The following ACMSD variants were observed in gnomAD, a reference collection of about 807,000 sequenced individuals.
ACMSD encodes 2-amino-3-carboxymuconate-6-semialdehyde decarboxylase.
A neutral mutation model predicts 45.9 loss-of-function variants in ACMSD; 37 were observed. The ratio of observed to expected loss-of-function variants is 0.81; its 90% confidence interval spans 0.62 to 1.06. The LOEUF is 1.06. Ranked by LOEUF, ACMSD falls within the 50% of genes least tolerant of loss-of-function variation. The probability of loss-of-function intolerance (pLI) is 0.00; values close to 1 mark genes in which losing one functional copy is unlikely to be tolerated. For synonymous variants in ACMSD, 138 were observed against 148.8 expected (o/e 0.93, Z 0.53); for missense variants, 434 against 420.9 (o/e 1.03, Z -0.27).
intron 2 of ACMSD, among the ~76,000 whole-genome samples, chr2:134,857,159 G>A (rs1372739576): frequency 6.6e-6 from 1 of 152,108 alleles, no homozygotes; most frequent in Non-Finnish European, 1.5e-5. Flanking sequence ...ATTGCCTAAT[G>A]CTGGGAGCAG....
chr2:134,875,176 T>C (rs762719848), intron 8 of ACMSD, among the ~76,000 whole-genome samples: 1 of 152,166 alleles, frequency 6.6e-6, no homozygotes, highest in African/African-American at 2.4e-5. Context: ...CTTTTTTTTA[T>C]TTTTTGTAGA....
intron 8 of ACMSD, among the ~76,000 whole-genome samples, chr2:134,880,253 TAC>T (rs1688962331): frequency 1.3e-5 from 2 of 152,164 alleles, no homozygotes; most frequent in African/African-American, 4.8e-5. Flanking sequence ...CTCTTCTCCT[TAC>T]CACAACTTCA....
chr2:134,898,769 A>G (rs1196554253), intron 9 of ACMSD, among the ~76,000 whole-genome samples: 1 of 152,178 alleles, frequency 6.6e-6, no homozygotes, highest in Non-Finnish European at 1.5e-5. Context: ...CAAATCTACC[A>G]ATCTCAAAAG....
chr2:134,867,725 A>C, intron 6 of ACMSD, 53 bp downstream of exon 6: 1 of 1,453,386 alleles, frequency 6.9e-7, no homozygotes, highest in Non-Finnish European at 9.6e-7. Context: ...GGTTTTTCCA[A>C]TCATCTATGG....
At chr2:134,891,538 A>G (rs1689783108) in intron 8 of ACMSD, among the ~76,000 whole-genome samples, 1 of 152,238 alleles carries the variant, frequency 6.6e-6, no homozygotes, top group Non-Finnish European at 1.5e-5. Flanking sequence ...ACAATGAGAT[A>G]TCATCACATG....
At chr2:134,879,569 T>C (rs1688926302) in intron 8 of ACMSD, among the ~76,000 whole-genome samples, 1 of 152,198 alleles carries the variant, frequency 6.6e-6, no homozygotes, top group Admixed American at 6.5e-5. Flanking sequence ...TCATTCATTT[T>C]CTCTGGGTCA....
At chr2:134,882,575 T>C (rs912184160) in intron 8 of ACMSD, among the ~76,000 whole-genome samples, 61 of 152,270 alleles carry the variant, frequency 4.0e-4, no homozygotes, top group Admixed American at 1.2e-3. Context: ...CTTGGGAATA[T>C]AAAGCTAATT....
intron 1 of ACMSD, among the ~76,000 whole-genome samples, chr2:134,841,730 C>CA (rs1353988153): frequency 6.6e-6 from 1 of 152,200 alleles, no homozygotes; most frequent in Non-Finnish European, 1.5e-5. Flanking sequence ...GCCTTACTGA[C>CA]AACCTACTGT....
chr2:134,866,159 T>G (rs933809237), intron 5 of ACMSD, among the ~76,000 whole-genome samples: 4 of 152,126 alleles, frequency 2.6e-5, no homozygotes, highest in African/African-American at 9.7e-5. Flanking sequence ...ATCAAAAATC[T>G]ACCTATTGGG....
intron 8 of ACMSD, among the ~76,000 whole-genome samples, chr2:134,883,806 T>G (rs944648103): frequency 6.6e-6 from 1 of 152,146 alleles, no homozygotes; most frequent in African/African-American, 2.4e-5. Context: ...GCCAAAAAAG[T>G]ATTTTAACCC....
intron 4 of ACMSD, chr2:134,862,942 C>G (rs1687915106): frequency 1.0e-6 from 1 of 984,374 alleles, no homozygotes; most frequent in Non-Finnish European, 1.2e-6. Context: ...GAGAGGAGGA[C>G]AGGCAGGGGC....
intron 1 of ACMSD, among the ~76,000 whole-genome samples, chr2:134,840,364 AG>A (rs1686749095): frequency 6.6e-6 from 1 of 151,880 alleles, no homozygotes; most frequent in African/African-American, 2.4e-5. Flanking sequence ...TCCAAGCTCC[AG>A]GGCATACACC....
At chr2:134,880,772 A>G (rs1439776893) in intron 8 of ACMSD, among the ~76,000 whole-genome samples, 4 of 152,014 alleles carry the variant, frequency 2.6e-5, no homozygotes. Context: ...ATGTGTCTAT[A>G]CTTTTTGAGC....
Position 134,901,837 on chromosome 2 carries a change from C to A in ACMSD, c.988C>A (p.Leu330Ile). 1 of 1,599,356 alleles carries A rather than the reference C, an allele frequency of 6.3e-7. No individual in the cohort carries two copies. The highest frequency in any genetic ancestry group is 8.5e-7 in the Non-Finnish European group (1 of 1,170,844). ...KAGNALAFLGLERKQFE is the reference protein window; with the variant it reads ...KAGNALAFLGIERKQFE ...CGGCAATGCCCTGGCATTTTTGGGT[C>A]TTGAGAGAAAACAATTTGAATGACT... Residue 330 changes from leucine (L) to isoleucine (I), a missense_variant, in exon 10 of 10, where the codon CTT becomes ATT. Coordinates refer to ENST00000356140, the MANE Select transcript of ACMSD (RefSeq NM_138326.3).
intron 8 of ACMSD, among the ~76,000 whole-genome samples, chr2:134,876,945 T>C (rs1688767144): frequency 6.6e-6 from 1 of 152,048 alleles, no homozygotes; most frequent in Non-Finnish European, 1.5e-5. Context: ...CCACACCCAG[T>C]GTATTTTTAG....
chr2:134,898,253 G>T (rs1335625906), intron 8 of ACMSD, 88 bp from the exon 9 acceptor site: 9 of 698,608 alleles, frequency 1.3e-5, no homozygotes, highest in African/African-American at 3.7e-5. Context: ...TTTTATGACA[G>T]GAATGTTTGT....
At chr2:134,877,250 C>T (rs2104901934) in intron 8 of ACMSD, among the ~76,000 whole-genome samples, 1 of 152,184 alleles carries the variant, frequency 6.6e-6, no homozygotes, top group African/African-American at 2.4e-5. Flanking sequence ...TTTTATGGGA[C>T]CACCATCACA....
At chr2:134,839,301 C>T (rs966518357) in intron 1 of ACMSD, among the ~76,000 whole-genome samples, 10 of 152,074 alleles carry the variant, frequency 6.6e-5, no homozygotes, top group Non-Finnish European at 1.0e-4. Flanking sequence ...GAAGTAGGTA[C>T]ATCAAAAAAC....
chr2:134,872,044 C>T (rs1225121382), intron 7 of ACMSD, among the ~76,000 whole-genome samples: 1 of 151,700 alleles, frequency 6.6e-6, no homozygotes, highest in Non-Finnish European at 1.5e-5. Context: ...GCACCCTCCA[C>T]CTCCCAGGTT....
Sources: gnomAD v4.1 joint callset for allele counts (sites outside exome capture counted in the v4.1 genomes callset) on GRCh38, gnomAD v4.1.1 for gene constraint, MANE v1.5 for transcripts, NCBI Gene and HGNC (gene_info 2026-07-23, HGNC 2026-07-21) for gene names.